Variants in C6orf141 observed in about 807,000 individuals in gnomAD.
The protein encoded by C6orf141 is uncharacterized protein C6orf141.
For synonymous variants in C6orf141, 164 were observed against 140.5 expected (o/e 1.17, Z -1.18); for missense variants, 361 against 335.8 (o/e 1.07, Z -0.59).
chr6:49,554,536 A>G (rs1459819255), downstream of C6orf141, among the ~76,000 whole-genome samples: 2 of 66,868 alleles, frequency 3.0e-5, no homozygotes, highest in African/African-American at 9.0e-5. Context: ...GCCCGCCACC[A>G]TGCCTGGCTA....
chr6:49,558,063 T>TTTTTTTTTTGTTTTTTTTTTTTTTTG (rs1772364344), intron 4 of C6orf141, among the ~76,000 whole-genome samples: 2 of 126,804 alleles, frequency 1.6e-5, no homozygotes, highest in African/African-American at 6.0e-5. Flanking sequence ...AAATATGTTT[T>TTTTTTTTTTGTTTTTTTTTTTTTTTG]TTTTTTTTTT....
At chr6:49,559,808 T>G (rs1013662576) in intron 4 of C6orf141, among the ~76,000 whole-genome samples, 5 of 152,118 alleles carry the variant, frequency 3.3e-5, no homozygotes, top group African/African-American at 9.7e-5. Context: ...GCGAGAGAAC[T>G]TTCAGGGAGA....
At chr6:49,553,755 A>G (rs1249690228), downstream of C6orf141, among the ~76,000 whole-genome samples, 2 of 142,108 alleles carry the variant, frequency 1.4e-5, no homozygotes, top group African/African-American at 5.2e-5. Flanking sequence ...TTAAGTGGGG[A>G]CAATAAATAG....
chr6:49,561,340 C>A (rs1581914830), intron 4 of C6orf141, among the ~76,000 whole-genome samples: 1 of 152,182 alleles, frequency 6.6e-6, no homozygotes, highest in African/African-American at 2.4e-5. Flanking sequence ...CTCAGGTGAT[C>A]CCCCTGCCTT....
downstream of C6orf141, among the ~76,000 whole-genome samples, chr6:49,554,418 TCGCCCAGGCTGG>T (rs956434730): frequency 4.9e-4 from 1 of 2,026 alleles, no homozygotes; most frequent in Non-Finnish European, 3.2e-3. Context: ...TCTTGCTCTG[TCGCCCAGGCTGG>T]AGTGCAGTGG....
intron 4 of C6orf141, among the ~76,000 whole-genome samples, chr6:49,558,703 C>T (rs979389995): frequency 1.5e-4 from 22 of 151,610 alleles, no homozygotes; most frequent in Non-Finnish European, 1.6e-4. Flanking sequence ...GTTTACTTTT[C>T]GTATTTTTTT....
chr6:49,551,909 T>C lies in C6orf141; in HGVS notation c.*382T>C. The C allele has an allele frequency of 9.2e-7, 1 of 1,089,750 alleles. No homozygotes were observed. Among genetic ancestry groups the C allele is most frequent in the Non-Finnish European group, 1.1e-6 (1 of 886,180 alleles). The allele number at this position is 1,089,750 out of a possible 1,614,324, so 67.5% of individuals were successfully genotyped here. On this transcript the variant is annotated 3_prime_UTR_variant, in exon 1 of 1. Coordinates refer to ENST00000529246, the MANE Select transcript of C6orf141 (RefSeq NM_001145652.2). ...CTAGAAACAGAAGTGAAGTTTGAAGTCTGCTCTCTGCAAAGAGGGTGGGAG... is the reference window on the plus strand; with the variant it reads ...CTAGAAACAGAAGTGAAGTTTGAAGCCTGCTCTCTGCAAAGAGGGTGGGAG...
At chr6:49,556,458 C>T (rs748764644), downstream of C6orf141, among the ~76,000 whole-genome samples, 2 of 152,080 alleles carry the variant, frequency 1.3e-5, no homozygotes, top group Non-Finnish European at 2.9e-5. Context: ...GAAAGTTTGT[C>T]CTAATGAACC....
intron 4 of C6orf141, among the ~76,000 whole-genome samples, chr6:49,559,098 A>T (rs1161378828): frequency 6.8e-6 from 1 of 147,860 alleles, no homozygotes; most frequent in Non-Finnish European, 1.5e-5. Context: ...AATCCAAACC[A>T]GTGGTTTTTA....
chr6:49,555,641 C>A (rs1771757309), downstream of C6orf141, among the ~76,000 whole-genome samples: 1 of 151,888 alleles, frequency 6.6e-6, no homozygotes. Flanking sequence ...CCCGAGCAGC[C>A]GGGACTACAG....
downstream of C6orf141, chr6:49,555,292 T>C (rs1405551338): frequency 6.6e-6 from 1 of 152,146 alleles, no homozygotes; most frequent in Non-Finnish European, 1.5e-5. Flanking sequence ...GGCTCTTTGC[T>C]TTGAAAAAGA....
At chr6:49,560,264 G>A (rs557909675) in intron 4 of C6orf141, among the ~76,000 whole-genome samples, 16 of 152,078 alleles carry the variant, frequency 1.1e-4, no homozygotes, top group Middle Eastern at 3.4e-3. Flanking sequence ...GCAGTGAGCC[G>A]AGATCGCGCC....
chr6:49,561,200 C>A (rs1361385684), intron 4 of C6orf141, among the ~76,000 whole-genome samples: 1 of 151,578 alleles, frequency 6.6e-6, no homozygotes, highest in African/African-American at 2.4e-5. Context: ...TGGGTTCAAG[C>A]GATTCTCGTG....
chr6:49,550,759 C>A lies in C6orf141; in HGVS notation c.-34C>A, dbSNP rs1238082451. The A allele has an allele frequency of 5.6e-6, 8 of 1,432,388 alleles. No individual in the cohort carries two copies. Among genetic ancestry groups the A allele is most frequent in the Non-Finnish European group, 7.3e-6 (8 of 1,090,114 alleles). 88.7% of individuals were successfully genotyped at this position (1,432,388 alleles called of 1,614,324 possible). A position where few individuals can be genotyped will look rare whatever the true frequency, so the allele number is the denominator to read the frequency against. ...CCCGCGCTTTCCGGAGCTCAGCAGG[C>A]GCTTGCTGCTTGAACCGGTCAAAGA... On this transcript the variant is annotated 5_prime_UTR_variant, in exon 1 of 1. Transcript: ENST00000529246.
chr6:49,557,331 A>G (rs1772148762), intron 4 of C6orf141, among the ~76,000 whole-genome samples: 1 of 152,150 alleles, frequency 6.6e-6, no homozygotes. Context: ...AATAGAACAA[A>G]CAGAGGCTGT....
At chr6:49,561,403 T>C (rs1773301875) in intron 4 of C6orf141, among the ~76,000 whole-genome samples, 1 of 152,260 alleles carries the variant, frequency 6.6e-6, no homozygotes, top group South Asian at 2.1e-4. Flanking sequence ...CTGGCCAGGT[T>C]CAGAATCTTT....
Position 49,551,430 on chromosome 6 carries a change from G to C in C6orf141, c.638G>C (p.Arg213Pro). Residue 213 changes from arginine to proline, a missense_variant, in exon 1 of 1, where the codon CGG (arginine) becomes CCG (proline). Coordinates refer to ENST00000529246, the MANE Select transcript of C6orf141 (RefSeq NM_001145652.2). ...GAACGCTGGGGCCCTGCTGAATCCCGGGCTCTCCAGGCACGAACAGGGGCA... is the reference window on the plus strand; with the variant it reads ...GAACGCTGGGGCCCTGCTGAATCCCCGGCTCTCCAGGCACGAACAGGGGCA... ...PGERWGPAES[R>P]ALQARTGASR... is the part of the protein sequence containing the mutation. 3 of 1,551,610 alleles carry C rather than the reference G, an allele frequency of 1.9e-6. No homozygotes were observed. Among genetic ancestry groups the C allele is most frequent in the Non-Finnish European group, 1.7e-6 (2 of 1,146,984 alleles).
At chr6:49,555,539 C>T (rs144705763), downstream of C6orf141, among the ~76,000 whole-genome samples, 1,653 of 115,502 alleles carry the variant, frequency 0.014, 31 homozygotes, top group African/African-American at 0.05. Flanking sequence ...GACGGAGCCT[C>T]GCTCTGTTGC....
At chr6:49,557,322 A>C (rs1412275782) in intron 4 of C6orf141, among the ~76,000 whole-genome samples, 5 of 152,222 alleles carry the variant, frequency 3.3e-5, no homozygotes, top group African/African-American at 1.2e-4. Context: ...CCTCCCCAAA[A>C]TAGAACAAAC....
Sources: gnomAD v4.1 joint callset for allele counts (sites outside exome capture counted in the v4.1 genomes callset) on GRCh38, gnomAD v4.1.1 for gene constraint, MANE v1.5 for transcripts, NCBI Gene and HGNC (gene_info 2026-07-23, HGNC 2026-07-21) for gene names.